NCAM1: variants seen among roughly 807,000 people sequenced by gnomAD.
The protein encoded by NCAM1 is antigen recognized by monoclonal antibody 5.1H11.
A neutral mutation model predicts 109.8 loss-of-function variants in NCAM1; 14 were observed. The observed-to-expected ratio is 0.13, with a 90% CI of 0.08 to 0.20. NCAM1 has a LOEUF of 0.20. Ranked by LOEUF, NCAM1 falls within the 10% of genes least tolerant of loss-of-function variation. NCAM1 has a pLI of 1.00. For missense variants in NCAM1, 774 were observed against 1,109.9 expected, an observed-to-expected ratio of 0.70 and a Z score of 4.30; for synonymous variants, 418 against 442.9, an observed-to-expected ratio of 0.94 and a Z score of 0.70.
chr11:112,966,640 T>C (rs987023834), intron 1 of NCAM1, among the ~76,000 whole-genome samples: 4 of 152,382 alleles, frequency 2.6e-5, no homozygotes, highest in Middle Eastern at 3.4e-3. Context: ...TAAAGGGATG[T>C]AAATTATTTG....
Position 113,193,236 on chromosome 11 carries a change from G to A in NCAM1, c.53-9143G>A, listed in dbSNP as rs77821431. Among the ~76,000 whole-genome samples, 476 of 152,268 alleles carry A rather than the reference G, an allele frequency of 3.1e-3. 2 individuals carry two copies. The highest frequency in any genetic ancestry group is 0.011 in the East Asian group (57 of 5,180). ...GCAGGCGTGTATCATCAAGTTAGGCGGGAGTCTCTCCTGGCTATGTGCTTG... is the reference window on the plus strand; with the variant it reads ...GCAGGCGTGTATCATCAAGTTAGGCAGGAGTCTCTCCTGGCTATGTGCTTG... On this transcript the variant is annotated intron_variant, in intron 1 of 19. Coordinates refer to ENST00000316851, the MANE Select transcript of NCAM1 (RefSeq NM_181351.5).
rs576733047 is a variant in NCAM1 at position 113,240,474 on chromosome 11, A to C, written c.1825+5310A>C. On this transcript the variant is annotated intron_variant, in intron 14 of 19. Transcript: ENST00000316851. Reference sequence around the variant, plus strand: ...TCCTCCTATACCTCTCGTCCTATGGAGACAGCTGGTCCTGCTGAACTGGAT... The same window carrying C: ...TCCTCCTATACCTCTCGTCCTATGGCGACAGCTGGTCCTGCTGAACTGGAT... 4 of 400,368 alleles carry C rather than the reference A, an allele frequency of 1.0e-5. No homozygotes were observed. The East Asian group carries it at 1.4e-4, about 14-fold the overall frequency. The allele number at this position is 400,368 out of a possible 1,614,324, so 24.8% of individuals were successfully genotyped here.
At chr11:113,051,123 C>T in intron 1 of NCAM1, among the ~76,000 whole-genome samples, 1 of 152,164 alleles carries the variant, frequency 6.6e-6, no homozygotes, top group East Asian at 1.9e-4. Flanking sequence ...TGCATTTTTC[C>T]AGGAAGAGCA....
In NCAM1 at chr11:113,163,387, C is replaced by A. The variant is rs563113895; in HGVS notation, c.53-38992C>A. ...TTTAATGCCTTTGTTATAATAAGAA[C>A]CTTTTTCTTCACCCAGGGGAATAGG... On this transcript the variant is annotated intron_variant, in intron 1 of 19. Coordinates refer to ENST00000316851, the MANE Select transcript of NCAM1 (RefSeq NM_181351.5). 2.6e-5 allele frequency among the ~76,000 whole-genome samples: 4 copies of A among 152,288 alleles called. No homozygotes were observed. In the South Asian group the frequency reaches 8.3e-4, roughly 32 times the overall value.
intron 17 of NCAM1, chr11:113,262,954 T>G (rs2288158): frequency 0.14 from 230,311 of 1,606,466 alleles, 17,694 homozygotes; most frequent in East Asian, 0.31. Context: ...TAAATTTGCT[T>G]AAAAGCCCAG....
intron 1 of NCAM1, among the ~76,000 whole-genome samples, chr11:113,051,029 C>T (rs1236511350): frequency 1.3e-5 from 2 of 152,174 alleles, no homozygotes; most frequent in Non-Finnish European, 2.9e-5. Context: ...CAGCATACAA[C>T]ACACTGCTAT....
intron 17 of NCAM1, among the ~76,000 whole-genome samples, chr11:113,265,361 AG>A (rs111821875): frequency 0.016 from 2,379 of 152,270 alleles, 46 homozygotes; most frequent in African/African-American, 0.045. Flanking sequence ...TCTTTTTCCC[AG>A]GCATCCTAAG....
chr11:113,209,529 A>G (rs112435908), intron 7 of NCAM1, among the ~76,000 whole-genome samples: 10 of 152,364 alleles, frequency 6.6e-5, no homozygotes, highest in African/African-American at 2.4e-4. Flanking sequence ...TTTAATAAAT[A>G]CGTATGGATC....
At chr11:112,990,073 A>G (rs1210258893) in intron 1 of NCAM1, among the ~76,000 whole-genome samples, 1 of 152,096 alleles carries the variant, frequency 6.6e-6, no homozygotes, top group Admixed American at 6.6e-5. Flanking sequence ...GCCTGTTACC[A>G]GGTGGTTTAG....
intron 1 of NCAM1, among the ~76,000 whole-genome samples, chr11:113,021,632 C>CA (rs1181919238): frequency 2.6e-5 from 4 of 152,166 alleles, no homozygotes; most frequent in Non-Finnish European, 5.9e-5. Context: ...TTAAAGCCCT[C>CA]AAAATGTCTC....
chr11:113,237,955 T>G (rs1555118632), intron 14 of NCAM1, among the ~76,000 whole-genome samples: 1 of 139,440 alleles, frequency 7.2e-6, no homozygotes, highest in Admixed American at 7.2e-5. Flanking sequence ...TATAGATATA[T>G]AGATAGATAG....
At chr11:113,162,311 T>C (rs1555104561) in intron 1 of NCAM1, among the ~76,000 whole-genome samples, 3 of 152,160 alleles carry the variant, frequency 2.0e-5, no homozygotes. Context: ...GTCTTGTCAT[T>C]TATTTGTTTA....
chr11:113,133,210 T>C (rs1555098728), intron 1 of NCAM1: 1 of 152,224 alleles, frequency 6.6e-6, no homozygotes, highest in Admixed American at 6.5e-5. Flanking sequence ...CTAATTATGA[T>C]GGCAGGAGAA....
chr11:113,259,084 C>T (rs1333982963), intron 16 of NCAM1, among the ~76,000 whole-genome samples: 5 of 148,176 alleles, frequency 3.4e-5, no homozygotes, highest in African/African-American at 5.0e-5. Context: ...CGGAGTCTCG[C>T]TCTGTCGCCC....
intron 1 of NCAM1, among the ~76,000 whole-genome samples, chr11:112,987,842 T>C (rs1951348240): frequency 6.6e-6 from 1 of 152,156 alleles, no homozygotes; most frequent in Non-Finnish European, 1.5e-5. Context: ...TTTAAATTAA[T>C]TCAACCACTT....
In NCAM1 at chr11:113,221,116, A is replaced by C. The variant is rs1459462937; in HGVS notation, c.1060-180A>C. Reference sequence around the variant, plus strand: ...GCCTAAGGGGGAAAAAAAGCTGGACATAAGCTAAATCCTAAATTAAATTGT... The same window carrying C: ...GCCTAAGGGGGAAAAAAAGCTGGACCTAAGCTAAATCCTAAATTAAATTGT... On this transcript the variant is annotated intron_variant, in intron 8 of 19. Transcript: ENST00000316851. 1.3e-5 allele frequency among the ~76,000 whole-genome samples: 2 copies of C among 152,234 alleles called. 1 individual carries two copies. Among genetic ancestry groups the C allele is most frequent in the Non-Finnish European group, 2.9e-5 (2 of 68,030 alleles).
At chr11:113,019,707 T>C (rs1241596162) in intron 1 of NCAM1, among the ~76,000 whole-genome samples, 7 of 152,238 alleles carry the variant, frequency 4.6e-5, no homozygotes, top group African/African-American at 1.7e-4. Flanking sequence ...CGTATTCCAT[T>C]GCTTCTTAGA....
At chr11:112,975,124 A>G (rs1231574174) in intron 1 of NCAM1, among the ~76,000 whole-genome samples, 1 of 152,032 alleles carries the variant, frequency 6.6e-6, no homozygotes, top group Non-Finnish European at 1.5e-5. Context: ...AGGGATTGAC[A>G]ATTTAAAGAG....
intron 1 of NCAM1, among the ~76,000 whole-genome samples, chr11:113,142,003 C>T (rs80156362): frequency 0.02 from 3,017 of 152,232 alleles, 93 homozygotes; most frequent in African/African-American, 0.068. Flanking sequence ...TGGGAATAAG[C>T]TTAACTGTTT....
Sources: allele counts gnomAD v4.1 joint callset (sites outside exome capture counted in the v4.1 genomes callset), GRCh38; gene constraint gnomAD v4.1.1; transcripts MANE v1.5; gene names NCBI Gene and HGNC (gene_info 2026-07-23, HGNC 2026-07-21).